Variants in HIVEP1 observed in about 807,000 individuals in gnomAD.
HIVEP1 encodes HIVEP zinc finger 1, also known as zinc finger protein 40.
A neutral mutation model predicts 180.0 loss-of-function variants in HIVEP1; 36 were observed. The ratio of observed to expected loss-of-function variants is 0.20; its 90% CI spans 0.15 to 0.26. The LOEUF is 0.26. HIVEP1 is among the 10% of genes least tolerant of loss of function. The probability of loss-of-function intolerance (pLI) is 1.00; values close to 1 mark genes in which losing one functional copy is unlikely to be tolerated. For missense variants in HIVEP1, 3,143 were observed against 3,268.7 expected (o/e 0.96, Z 0.94); for synonymous variants, 1,239 against 1,239.0 (o/e 1.00, Z 0.00).
chr6:12,021,914 C>T (rs1425079552), intron 2 of HIVEP1, among the ~76,000 whole-genome samples: 6 of 152,166 alleles, frequency 3.9e-5, no homozygotes, highest in Admixed American at 3.3e-4. Context: ...ATCCACCCGC[C>T]TTGGTCTCCC....
At chr6:12,133,791 A>G (rs1758558307) in intron 6 of HIVEP1, among the ~76,000 whole-genome samples, 1 of 152,178 alleles carries the variant, frequency 6.6e-6, no homozygotes, top group South Asian at 2.1e-4. Flanking sequence ...GAGCCTGGGC[A>G]ACATGGTGAA....
intron 3 of HIVEP1, among the ~76,000 whole-genome samples, chr6:12,105,564 G>A (rs1454983605): frequency 6.6e-6 from 1 of 152,122 alleles, no homozygotes; most frequent in Non-Finnish European, 1.5e-5. Context: ...AGGATCATCT[G>A]AATTACTTAA....
intron 2 of HIVEP1, among the ~76,000 whole-genome samples, chr6:12,064,628 G>A (rs1160821311): frequency 6.6e-6 from 1 of 152,138 alleles, no homozygotes; most frequent in Non-Finnish European, 1.5e-5. Flanking sequence ...AGCCAGAACT[G>A]AGAACTCTTG....
At chr6:12,046,743 C>T (rs1770145882) in intron 2 of HIVEP1, among the ~76,000 whole-genome samples, 1 of 151,860 alleles carries the variant, frequency 6.6e-6, no homozygotes, top group East Asian at 2.0e-4. Context: ...CGTGCCACTG[C>T]ACTTCAGCCT....
chr6:12,189,430 A>G, the HIVEP1 span, among the ~76,000 whole-genome samples: 1 of 152,156 alleles, frequency 6.6e-6, no homozygotes, highest in African/African-American at 2.4e-5. Context: ...TATTGTTAGA[A>G]AATATTAGAA....
intron 2 of HIVEP1, among the ~76,000 whole-genome samples, chr6:12,052,072 G>A (rs188004310): frequency 6.6e-6 from 1 of 152,234 alleles, no homozygotes; most frequent in East Asian, 1.9e-4. Flanking sequence ...TTGCTAACTT[G>A]TGAAACATGC....
chr6:12,116,259 A>T (rs187405603), intron 3 of HIVEP1, among the ~76,000 whole-genome samples: 211 of 152,228 alleles, frequency 1.4e-3, no homozygotes, highest in African/African-American at 4.8e-3. Context: ...GTATTTCATT[A>T]TCTGAAAACC....
chr6:12,128,782 G>A (rs988387776), intron 4 of HIVEP1, among the ~76,000 whole-genome samples: 6 of 152,080 alleles, frequency 3.9e-5, no homozygotes, highest in Admixed American at 1.3e-4. Context: ...ACCACACATC[G>A]TTTATCATTT....
intron 7 of HIVEP1, among the ~76,000 whole-genome samples, chr6:12,155,298 G>A (rs1759963145): frequency 6.6e-6 from 1 of 152,110 alleles, no homozygotes; most frequent in African/African-American, 2.4e-5. Flanking sequence ...TGCAGGGTGT[G>A]CAGGTTTGTC....
chr6:12,160,058 C>T (rs1366194782), intron 7 of HIVEP1, among the ~76,000 whole-genome samples: 1 of 152,186 alleles, frequency 6.6e-6, no homozygotes, highest in South Asian at 2.1e-4. Flanking sequence ...AAAAAAATAC[C>T]TGTAAGTGCA....
At position 12,068,152 on chromosome 6, in the gene HIVEP1, A is replaced by G. The variant is rs114118686; in HGVS notation, c.41-21032A>G. Among the ~76,000 whole-genome samples, 1,329 of 152,184 alleles carry G rather than the reference A, an allele frequency of 8.7e-3. 21 individuals are homozygous for G. Among genetic ancestry groups the G allele is most frequent in the African/African-American group, 0.029 (1,219 of 41,512 alleles). On this transcript the variant is annotated intron_variant, in intron 2 of 8. Transcript: ENST00000379388. ...GTTGCCCAGGCTGGAGTACAGTGGC[A>G]CGATCTTGGCTCAGTGCAATCTCCG...
chr6:12,200,539 A>G, the HIVEP1 span, among the ~76,000 whole-genome samples: 58,090 of 152,094 alleles, frequency 0.38, 12,049 homozygotes, highest in East Asian at 0.54. Flanking sequence ...CCCTGCATCA[A>G]AACCATGCTA....
intron 7 of HIVEP1, among the ~76,000 whole-genome samples, chr6:12,144,938 C>T (rs1287032445): frequency 5.9e-5 from 9 of 152,190 alleles, no homozygotes. Context: ...TAAACTAGTT[C>T]AACCATTGTG....
upstream of HIVEP1, among the ~76,000 whole-genome samples, chr6:12,009,159 C>A (rs1340191943): frequency 1.5e-3 from 219 of 146,068 alleles, no homozygotes; most frequent in Non-Finnish European, 1.4e-3. Context: ...CCGGGCCGCG[C>A]GCTGGGCGGA....
chr6:12,204,492 C>T, the HIVEP1 span, among the ~76,000 whole-genome samples: 1 of 151,222 alleles, frequency 6.6e-6, no homozygotes, highest in African/African-American at 2.4e-5. Context: ...CAACATGCAT[C>T]TCCTAAATAT....
rs987003743 is a variant in HIVEP1, at chr6:12,012,571, G to A, written c.-104+5G>A. On this transcript the variant is annotated splice_donor_5th_base_variant and intron_variant, in intron 1 of 8. Transcript: ENST00000379388. ...CGCCGGGCGTCCTGGCAGCAGGTTC[G>A]GCGCGGGCTCCGCGGCGGGGGCGCT... The A allele has an allele frequency of 6.7e-6, 1 of 150,102 alleles. No homozygotes were observed. The highest frequency in any genetic ancestry group is 2.4e-5 in the African/African-American group (1 of 41,060). 9.3% of individuals were successfully genotyped at this position (150,102 alleles called of 1,614,324 possible).
intron 7 of HIVEP1, among the ~76,000 whole-genome samples, chr6:12,137,232 A>G (rs1758754103): frequency 6.6e-6 from 1 of 152,236 alleles, no homozygotes; most frequent in South Asian, 2.1e-4. Flanking sequence ...GACAAGGTAA[A>G]GCTATTATTA....
chr6:12,173,186 T>C, the HIVEP1 span, among the ~76,000 whole-genome samples: 2 of 152,144 alleles, frequency 1.3e-5, no homozygotes, highest in African/African-American at 4.8e-5. Flanking sequence ...TGAGAAAAGA[T>C]TGGAGGGAAG....
At chr6:12,156,633 G>T (rs1298064187) in intron 7 of HIVEP1, among the ~76,000 whole-genome samples, 4 of 151,928 alleles carry the variant, frequency 2.6e-5, no homozygotes, top group Admixed American at 1.3e-4. Context: ...CTTTAATTCT[G>T]CAATAATTTG....
Sources: gnomAD v4.1 joint callset for allele counts (sites outside exome capture counted in the v4.1 genomes callset) on GRCh38, gnomAD v4.1.1 for gene constraint, MANE v1.5 for transcripts, NCBI Gene and HGNC (gene_info 2026-07-23, HGNC 2026-07-21) for gene names.